NME7: variants seen among roughly 807,000 people sequenced by gnomAD.
NME7 encodes the protein NME/NM23 family member 7, also known as nucleoside diphosphate kinase 7.
NME7 carries 41 observed loss-of-function variants against 49.1 expected under a neutral mutation model. That is an observed-to-expected ratio of 0.83 (90% confidence interval 0.65 to 1.08). The LOEUF is 1.08. Ranked by LOEUF, NME7 falls within the 50% of genes least tolerant of loss-of-function variation. The probability of loss-of-function intolerance (pLI) is 0.00; values close to 1 mark genes in which losing one functional copy is unlikely to be tolerated. For missense variants in NME7, 423 were observed against 463.4 expected (o/e 0.91, Z 0.80); for synonymous variants, 139 against 150.6 (o/e 0.92, Z 0.56).
chr1:169,208,678 T>C (rs923688051), intron 10 of NME7, among the ~76,000 whole-genome samples: 1 of 152,108 alleles, frequency 6.6e-6, no homozygotes, highest in Admixed American at 6.6e-5. Flanking sequence ...AGCCATTTCA[T>C]TTGCATTCTG....
At chr1:169,305,697 C>T (rs1651147866) in intron 4 of NME7, among the ~76,000 whole-genome samples, 1 of 152,154 alleles carries the variant, frequency 6.6e-6, no homozygotes, top group African/African-American at 2.4e-5. Context: ...CAAGCTCACT[C>T]CTCCTCAGTT....
Position 169,259,086 on chromosome 1 carries a change from T to C in NME7, c.755-21399A>G, listed in dbSNP as rs931811852. On this transcript the variant is annotated intron_variant, in intron 7 of 11. Coordinates refer to ENST00000367811, the MANE Select transcript of NME7 (RefSeq NM_013330.5). ...AATTTTTATATTTTAAATTGTAAAA[T>C]ATTGAATACATTTTACATTGTAAAA... 3.0e-5 allele frequency among the ~76,000 whole-genome samples: 4 copies of C among 133,928 alleles called. 1 individual carries two copies. The highest frequency in any genetic ancestry group is 7.0e-5 in the Non-Finnish European group (4 of 57,046). The allele number at this position is 133,928 out of a possible 152,430, so 87.9% of individuals were successfully genotyped here.
chr1:169,204,618 C>T (rs1660627502), intron 10 of NME7, among the ~76,000 whole-genome samples: 1 of 152,098 alleles, frequency 6.6e-6, no homozygotes, highest in Non-Finnish European at 1.5e-5. Context: ...CTCTCGGAAA[C>T]CTTACGCACT....
At position 169,213,422 on chromosome 1, in the gene NME7, C is replaced by G. The variant is rs572862182; in HGVS notation, c.990+17296G>C. On this transcript the variant is annotated intron_variant, in intron 10 of 11. Transcript: ENST00000367811. ...ACAGCCTCGAGTACCTCTTCCACCACATGGTTGCCAATGCTGGATTTTATC... is the reference window on the plus strand; with the variant it reads ...ACAGCCTCGAGTACCTCTTCCACCAGATGGTTGCCAATGCTGGATTTTATC... Among the ~76,000 whole-genome samples, 12 of 152,208 alleles carry G rather than the reference C, an allele frequency of 7.9e-5. No homozygotes were observed. The South Asian group carries it at 1.7e-3, about 21-fold the overall frequency.
intron 7 of NME7, among the ~76,000 whole-genome samples, chr1:169,256,175 A>G (rs1471738999): frequency 8.4e-5 from 11 of 130,760 alleles, no homozygotes; most frequent in Admixed American, 1.5e-4. Context: ...ACTTGGTTCC[A>G]TTCTCCCCAT....
chr1:169,155,144 C>G (rs1659030641), intron 11 of NME7, among the ~76,000 whole-genome samples: 1 of 152,116 alleles, frequency 6.6e-6, no homozygotes, highest in African/African-American at 2.4e-5. Context: ...CAGGACTCAA[C>G]TAGTTTACAT....
Position 169,266,166 on chromosome 1 carries a change from A to G in NME7, c.754+21137T>C, listed in dbSNP as rs893777020. Among the ~76,000 whole-genome samples, 2 of 133,078 alleles carry G rather than the reference A, an allele frequency of 1.5e-5. 1 individual carries two copies. Among genetic ancestry groups the G allele is most frequent in the Admixed American group, 1.5e-4 (2 of 13,522 alleles). The allele number at this position is 133,078 out of a possible 152,430, so 87.3% of individuals were successfully genotyped here. A position where few individuals can be genotyped will look rare whatever the true frequency, so the allele number is the denominator to read the frequency against. ...TATGACAGAGACACAACAAAAAAAG[A>G]AAACTTCAGGCCAATGTCCTTGATG... On this transcript the variant is annotated intron_variant, in intron 7 of 11. Transcript: ENST00000367811.
intron 3 of NME7, among the ~76,000 whole-genome samples, chr1:169,316,053 G>T (rs1023311729): frequency 6.6e-6 from 1 of 151,878 alleles, no homozygotes; most frequent in Admixed American, 6.6e-5. Context: ...AAAAAGAAAC[G>T]GGTAGTTTAC....
chr1:169,252,927 G>C (rs559443072), intron 7 of NME7, among the ~76,000 whole-genome samples: 52 of 149,538 alleles, frequency 3.5e-4, no homozygotes, highest in African/African-American at 1.2e-3. Context: ...CTATATCTCT[G>C]TTTTGGTACC....
intron 11 of NME7, among the ~76,000 whole-genome samples, chr1:169,164,391 AACAG>A (rs1230408845): frequency 6.6e-6 from 1 of 152,194 alleles, no homozygotes; most frequent in African/African-American, 2.4e-5. Flanking sequence ...CACATGAGCA[AACAG>A]ACACTGTGCT....
rs555165323 is a variant in NME7 at position 169,350,466 on chromosome 1, G to C, written c.3+17242C>G. Among the ~76,000 whole-genome samples, 14 of 152,098 alleles carry C rather than the reference G, an allele frequency of 9.2e-5. No homozygotes were observed. The South Asian group carries it at 2.5e-3, about 27-fold the overall frequency. On this transcript the variant is annotated intron_variant, in intron 1 of 11. Coordinates refer to ENST00000367811, the MANE Select transcript of NME7 (RefSeq NM_013330.5). ...AAGACTACAGCCTGTGCAAAACGCA[G>C]AGGGGATCTTGAAGAAAGCAGGAGT...
intron 10 of NME7, among the ~76,000 whole-genome samples, chr1:169,225,008 G>T (rs184123408): frequency 6.6e-6 from 1 of 152,282 alleles, no homozygotes; most frequent in Admixed American, 6.5e-5. Flanking sequence ...AGCTGAGGAA[G>T]TTTCTCTGTC....
intron 7 of NME7, among the ~76,000 whole-genome samples, chr1:169,271,245 A>G (rs1649481632): frequency 7.5e-6 from 1 of 133,360 alleles, no homozygotes; most frequent in Admixed American, 7.4e-5. Context: ...CATGACTACT[A>G]CTTGTGCCAA....
rs554134839 is a variant in NME7, at chr1:169,187,611, T to C, written c.991-18057A>G. 3.9e-5 allele frequency among the ~76,000 whole-genome samples: 6 copies of C among 152,328 alleles called. No homozygotes were observed. In the South Asian group the frequency reaches 1.2e-3, roughly 32 times the overall value. ...TTCTTTCCATTTGCTTAGTAAATAT[T>C]CCTCCATCCCTTTATTTTGAGACTA... On this transcript the variant is annotated intron_variant, in intron 10 of 11. Transcript: ENST00000367811.
At chr1:169,250,062 A>T (rs1571325187) in intron 7 of NME7, among the ~76,000 whole-genome samples, 1 of 151,904 alleles carries the variant, frequency 6.6e-6, no homozygotes, top group East Asian at 1.9e-4. Context: ...CAGTTCTCTG[A>T]ATGTCTGGTA....
intron 7 of NME7, among the ~76,000 whole-genome samples, chr1:169,256,039 G>A (rs1415842626): frequency 7.5e-6 from 1 of 132,548 alleles, no homozygotes; most frequent in Non-Finnish European, 1.8e-5. Context: ...ACCATTATGT[G>A]TCTTGGAGTT....
intron 11 of NME7, among the ~76,000 whole-genome samples, chr1:169,153,810 C>T (rs1454824329): frequency 6.6e-6 from 1 of 151,902 alleles, no homozygotes; most frequent in African/African-American, 2.4e-5. Context: ...GAGATCCTAC[C>T]ACCTCAGCCT....
At chr1:169,277,095 G>T (rs1211152443) in intron 7 of NME7, among the ~76,000 whole-genome samples, 1 of 150,540 alleles carries the variant, frequency 6.6e-6, no homozygotes, top group Non-Finnish European at 1.5e-5. Flanking sequence ...GCTGAGGAGA[G>T]CTTTACTTCC....
intron 9 of NME7, among the ~76,000 whole-genome samples, chr1:169,232,105 T>C (rs1356300707): frequency 1.3e-5 from 2 of 152,114 alleles, no homozygotes; most frequent in Non-Finnish European, 2.9e-5. Context: ...AATATAAACT[T>C]GGTGAGGAGA....
Sources: allele counts gnomAD v4.1 joint callset (sites outside exome capture counted in the v4.1 genomes callset), GRCh38; gene constraint gnomAD v4.1.1; transcripts MANE v1.5; gene names NCBI Gene and HGNC (gene_info 2026-07-23, HGNC 2026-07-21).